The following PIP5K1A variants were observed in gnomAD, a reference collection of about 807,000 sequenced individuals.
The protein encoded by PIP5K1A is phosphatidylinositol-4-phosphate 5-kinase type 1 alpha, also known as phosphatidylinositol 4-phosphate 5-kinase type-1 alpha.
A neutral mutation model predicts 72.9 loss-of-function variants in PIP5K1A; 46 were observed. The ratio of observed to expected loss-of-function variants is 0.63; its 90% CI spans 0.50 to 0.81. PIP5K1A has a LOEUF of 0.81. PIP5K1A is among the 30% of genes least tolerant of loss of function. PIP5K1A has a pLI of 0.00. For missense variants in PIP5K1A, 458 were observed against 706.1 expected, an observed-to-expected ratio of 0.65 and a Z score of 3.98; for synonymous variants, 228 against 255.1, an observed-to-expected ratio of 0.89 and a Z score of 1.01.
chr1:151,246,960 AC>A lies in PIP5K1A; in HGVS notation c.1684del (p.His562IlefsTer29). 2 of 1,613,010 alleles carry A rather than the reference AC, an allele frequency of 1.2e-6. No individual in the cohort carries two copies. The highest frequency in any genetic ancestry group is 1.7e-6 in the Non-Finnish European group (2 of 1,179,100). Reference sequence around the variant, plus strand: ...GCTTGAAGTTGCAGAGTCAGAGTTCACCCATGTGAGTATCTGGGATGTGTGG... The same window carrying A: ...GCTTGAAGTTGCAGAGTCAGAGTTCACCATGTGAGTATCTGGGATGTGTGG... ...EKLEVAESEF[T>X]H On this transcript the variant is annotated frameshift_variant, in exon 15 of 16. Coordinates refer to ENST00000368888, the MANE Select transcript of PIP5K1A (RefSeq NM_001135638.2). LOFTEE classifies it high-confidence loss of function.
chr1:151,217,783 A>T (rs116269054), intron 1 of PIP5K1A, among the ~76,000 whole-genome samples: 1,858 of 149,730 alleles, frequency 0.012, 34 homozygotes, highest in African/African-American at 0.038. Flanking sequence ...TTTTTTTTTT[A>T]AATTTTTTAT....
chr1:151,235,389 T>C (rs952379345), intron 8 of PIP5K1A, among the ~76,000 whole-genome samples: 2 of 152,186 alleles, frequency 1.3e-5, no homozygotes, highest in East Asian at 1.9e-4. Context: ...GGCCTAGATA[T>C]CACTCTTGAC....
intron 4 of PIP5K1A, 26 bp downstream of exon 4, chr1:151,227,426 C>T (rs1689316671): frequency 1.3e-6 from 2 of 1,490,594 alleles, no homozygotes; most frequent in Non-Finnish European, 9.4e-7. Flanking sequence ...ACCGTCTCAT[C>T]TTACTCCAGG....
intron 4 of PIP5K1A, among the ~76,000 whole-genome samples, chr1:151,229,122 C>T (rs1424205353): frequency 3.0e-5 from 4 of 133,972 alleles, no homozygotes; most frequent in Non-Finnish European, 6.2e-5. Context: ...GAGCCGAGGT[C>T]GCGCCATTGC....
rs1205062927 is a variant in PIP5K1A, at chr1:151,242,506, C to T, written c.1579C>T (p.Pro527Ser). 1.2e-6 allele frequency: 2 copies of T among 1,613,458 alleles called. No homozygotes were observed. The highest frequency in any genetic ancestry group is 1.7e-6 in the Non-Finnish European group (2 of 1,179,488). Residue 527 changes from proline to serine, a missense_variant, in exon 14 of 16, where the codon CCT (proline) becomes TCT (serine). Physicochemically the swap from Pro to Ser is moderately conservative, Grantham distance 74. This residue lies in a region of PIP5K1A where 157 missense variants were observed against 175.5 expected (regional missense o/e 0.89). Transcript: ENST00000368888. ...TTTGGAGGAAATCAGTGAGGGCTCG[C>T]CTATTCCTGACCCCAGTTTCTCACC... ...PPLEEISEGS[P>S]IPDPSFSPLV... is the part of the protein sequence containing the mutation.
intron 1 of PIP5K1A, 103 bp from the exon 2 acceptor site, chr1:151,224,142 T>C: frequency 1.9e-6 from 2 of 1,027,786 alleles, no homozygotes; most frequent in Non-Finnish European, 3.1e-6. Context: ...GGCAGGAGTT[T>C]ATACTTATGT....
intron 11 of PIP5K1A, 56 bp from the exon 12 acceptor site, chr1:151,239,899 A>ACTAGAGTT: frequency 8.1e-7 from 1 of 1,232,370 alleles, no homozygotes; most frequent in Non-Finnish European, 1.2e-6. Flanking sequence ...TGGCCCTTGG[A>ACTAGAGTT]CTAGAGTTCC....
chr1:151,230,993 G>A (rs587686351), intron 4 of PIP5K1A, among the ~76,000 whole-genome samples: 17 of 152,278 alleles, frequency 1.1e-4, no homozygotes, highest in African/African-American at 4.1e-4. Flanking sequence ...GAGTTCTGAG[G>A]TTAGGAGCTT....
intron 14 of PIP5K1A, 152 bp downstream of exon 14, chr1:151,242,719 C>A: frequency 1.4e-6 from 1 of 720,360 alleles, no homozygotes; most frequent in Non-Finnish European, 2.3e-6. Context: ...GGTCAGGAAT[C>A]CAGGCCCAGC....
chr1:151,211,664 C>T (rs1001795038), intron 1 of PIP5K1A, among the ~76,000 whole-genome samples: 7 of 146,138 alleles, frequency 4.8e-5, no homozygotes, highest in African/African-American at 1.0e-4. Context: ...GGCGTTGTGG[C>T]GGGCGCGTGT....
rs1447445559 is a variant in PIP5K1A at position 151,236,761 on chromosome 1, C to G, written c.1143C>G (p.Asp381Glu). 1 of 1,611,240 alleles carries G rather than the reference C, an allele frequency of 6.2e-7. No individual in the cohort carries two copies. The highest frequency in any genetic ancestry group is 8.5e-7 in the Non-Finnish European group (1 of 1,178,196). Residue 381 changes from aspartate to glutamate, a missense_variant and splice_region_variant, in exon 9 of 16, where the codon GAC becomes GAG. Physicochemically the swap from Asp to Glu is conservative, Grantham distance 45. Around this residue, in one of 3 missense-constraint regions of PIP5K1A, gnomAD observed 220 missense variants for 442.6 expected, o/e 0.50. Coordinates refer to ENST00000368888, the MANE Select transcript of PIP5K1A (RefSeq NM_001135638.2). ...ARRGGTMETD[D>E]HMGGIPARNS... ...GGGGTGGTACCATGGAGACTGATGA[C>G]CAGTAAGTGGGCTCAGGGCCACTAG...
intron 12 of PIP5K1A, among the ~76,000 whole-genome samples, chr1:151,241,116 T>TA (rs1437878383): frequency 6.6e-6 from 1 of 151,888 alleles, no homozygotes; most frequent in African/African-American, 2.4e-5. Flanking sequence ...TGAACTGAGA[T>TA]AGTGCCATTG....
At chr1:151,201,752 C>CT (rs1685244253) in intron 1 of PIP5K1A, among the ~76,000 whole-genome samples, 2 of 151,924 alleles carry the variant, frequency 1.3e-5, no homozygotes, top group Non-Finnish European at 1.5e-5. Context: ...ATCCCAGCTA[C>CT]TTAGGAGGCT....
chr1:151,203,961 T>C (rs1174571146), intron 1 of PIP5K1A, among the ~76,000 whole-genome samples: 18 of 152,186 alleles, frequency 1.2e-4, no homozygotes, highest in Admixed American at 1.2e-3. Context: ...ACAAATGATT[T>C]AGACATAACT....
In PIP5K1A at chr1:151,236,669, C is replaced by T. The variant is rs747179720; in HGVS notation, c.1051C>T (p.Arg351Ter). ...TGAAACACAGTACTCAGTTGATACT[C>T]GAAGACCGGCCCCCCAAAAGGCTCT... ...SSETQYSVDT[R>*]RPAPQKALYS... is the part of the protein sequence containing the mutation. The change falls in exon 9 of 16, where the codon CGA (arginine) becomes TGA (stop). Residue 351 changes from arginine (R) to a stop codon, truncating the protein, a stop_gained. Transcript: ENST00000368888. LOFTEE classifies it high-confidence loss of function. 7.4e-6 allele frequency: 12 copies of T among 1,613,670 alleles called. No individual in the cohort carries two copies. Among genetic ancestry groups the T allele is most frequent in the African/African-American group, 1.3e-5 (1 of 74,794 alleles).
intron 12 of PIP5K1A, among the ~76,000 whole-genome samples, chr1:151,240,471 T>G (rs1040711847): frequency 1.3e-5 from 2 of 152,224 alleles, no homozygotes; most frequent in Non-Finnish European, 2.9e-5. Context: ...GTTTTTAGTC[T>G]CTTTTCTCAA....
Position 151,234,309 on chromosome 1 carries a change from C to G in PIP5K1A, c.752C>G (p.Ser251Trp), listed in dbSNP as rs377064939. 6.2e-7 allele frequency: 1 copy of G among 1,612,926 alleles called. No individual in the cohort carries two copies. Among genetic ancestry groups the G allele is most frequent in the African/African-American group, 1.3e-5 (1 of 75,002 alleles). The change falls in exon 8 of 16, where the codon TCG (serine) becomes TGG (tryptophan). Residue 251 changes from serine to tryptophan, a missense_variant. Transcript: ENST00000368888. Reference protein sequence around the residue: ...IVVMNNLLPRSVKMHIKYDLK... With the variant: ...IVVMNNLLPRWVKMHIKYDLK... Reference sequence around the variant, plus strand: ...GTGATGAACAATCTTTTACCAAGATCGGTAAAAATGCATATCAAATATGAC... The same window carrying G: ...GTGATGAACAATCTTTTACCAAGATGGGTAAAAATGCATATCAAATATGAC...
In PIP5K1A at chr1:151,198,822, C is replaced by T; in HGVS notation, c.-175C>T. 2.9e-6 allele frequency: 2 copies of T among 688,606 alleles called. No individual in the cohort carries two copies. Among genetic ancestry groups the T allele is most frequent in the Non-Finnish European group, 5.2e-6 (2 of 387,558 alleles). 42.7% of individuals were successfully genotyped at this position (688,606 alleles called of 1,614,324 possible). ...TCCCCATGCCAGGCGAATGGTGTGG[C>T]CTTGAGCTGGTCCAGGAGCCGGCTC... On this transcript the variant is annotated 5_prime_UTR_variant, in exon 1 of 16. Transcript: ENST00000368888.
intron 10 of PIP5K1A, 114 bp downstream of exon 10, chr1:151,238,379 C>A (rs2101533496): frequency 1.4e-6 from 1 of 737,206 alleles, no homozygotes; most frequent in Non-Finnish European, 2.4e-6. Context: ...CAGTGAGTTG[C>A]AGTCTGGCTA....
Sources: allele counts gnomAD v4.1 joint callset (sites outside exome capture counted in the v4.1 genomes callset), GRCh38; gene constraint gnomAD v4.1.1; regional missense constraint gnomAD v4.1.1; transcripts MANE v1.5; gene names NCBI Gene and HGNC (gene_info 2026-07-23, HGNC 2026-07-21).